Variants in CACUL1 observed in about 807,000 individuals in gnomAD.
CACUL1 encodes the protein CDK2-associated and cullin domain-containing protein 1.
In CACUL1, 13 loss-of-function variants were observed where a neutral mutation model predicts 45.2. The observed-to-expected ratio is 0.29, with a 90% CI of 0.19 to 0.46. CACUL1 has a LOEUF of 0.46. CACUL1 is among the 20% of genes least tolerant of loss of function. The pLI, the probability that CACUL1 is intolerant of heterozygous loss-of-function variation, is 1.00. For missense variants in CACUL1, 421 were observed against 471.4 expected (o/e 0.89, Z 0.99); for synonymous variants, 197 against 174.2 (o/e 1.13, Z -1.03).
At chr10:118,741,604 AT>A (rs1265588131) in intron 1 of CACUL1, among the ~76,000 whole-genome samples, 2 of 152,092 alleles carry the variant, frequency 1.3e-5, no homozygotes, top group East Asian at 3.8e-4. Flanking sequence ...AATTTTGTAG[AT>A]TCTAGTCCCT....
intron 3 of CACUL1, chr10:118,726,246 C>T (rs998931181): frequency 9.3e-7 from 1 of 1,071,442 alleles, no homozygotes; most frequent in Non-Finnish European, 1.3e-6. Flanking sequence ...AGGCCACACA[C>T]ATCACACTGA....
intron 1 of CACUL1, among the ~76,000 whole-genome samples, chr10:118,739,933 T>G (rs1289313499): frequency 1.3e-5 from 2 of 152,100 alleles, no homozygotes; most frequent in Admixed American, 1.3e-4. Context: ...TCACCTGAGG[T>G]CAGGAGTTAG....
At chr10:118,753,546 CAA>C (rs1845919823) in intron 1 of CACUL1, among the ~76,000 whole-genome samples, 1 of 152,238 alleles carries the variant, frequency 6.6e-6, no homozygotes, top group Non-Finnish European at 1.5e-5. Context: ...ACACACAAAC[CAA>C]AGTAAAAGCA....
At chr10:118,693,614 A>G in intron 6 of CACUL1, 1 of 412,686 alleles carries the variant, frequency 2.4e-6, no homozygotes, top group Non-Finnish European at 4.8e-6. Context: ...GCCAGTGCTT[A>G]TAAGCTGCCT....
intron 4 of CACUL1, among the ~76,000 whole-genome samples, chr10:118,703,121 TA>T (rs1193774650): frequency 3.3e-5 from 5 of 152,018 alleles, no homozygotes; most frequent in African/African-American, 1.2e-4. Context: ...TTTCTCTCTT[TA>T]AAAAAATATA....
At position 118,728,149 on chromosome 10, in the gene CACUL1, A is replaced by G. The variant is rs566886836; in HGVS notation, c.597+1146T>C. Among the ~76,000 whole-genome samples the G allele has an allele frequency of 1.9e-4, 29 of 151,966 alleles. No homozygotes were observed. In the East Asian group the frequency reaches 3.7e-3, roughly 19 times the overall value. On this transcript the variant is annotated intron_variant, in intron 3 of 8. Coordinates refer to ENST00000369151, the MANE Select transcript of CACUL1 (RefSeq NM_153810.5). The stretch of plus-strand genomic sequence containing the variant: ...TACTTAGTGCAACAACTGTTTGGGG[A>G]AAAAAAACACAAAAAAACTAAGCTA...
chr10:118,716,497 G>C (rs895245301), intron 3 of CACUL1, among the ~76,000 whole-genome samples: 9 of 151,936 alleles, frequency 5.9e-5, no homozygotes, highest in Admixed American at 2.0e-4. Context: ...TGGATACTTA[G>C]GCTATGCTTT....
Position 118,683,723 on chromosome 10 carries a change from A to T in CACUL1, c.*2405T>A. On this transcript the variant is annotated 3_prime_UTR_variant, in exon 9 of 9. Coordinates refer to ENST00000369151, the MANE Select transcript of CACUL1 (RefSeq NM_153810.5). ...AACAAAATATAAGAAAACAGAAGAA[A>T]ACAGTTTCTGGCAAACAGTCAATAT... is the stretch of plus-strand genomic sequence containing the variant. 1 of 151,960 alleles carries T rather than the reference A, an allele frequency of 6.6e-6. No homozygotes were observed. Among genetic ancestry groups the T allele is most frequent in the Middle Eastern group, 3.2e-3 (1 of 316 alleles). The allele number at this position is 151,960 out of a possible 1,614,324, so 9.4% of individuals were successfully genotyped here.
Position 118,754,745 on chromosome 10 carries a change from T to G in CACUL1, c.18A>C (p.Glu6Asp). The G allele has an allele frequency of 6.3e-7, 1 of 1,591,702 alleles. No individual in the cohort carries two copies. MEESM[E>D]EEEGGSYEAM... ...CCTCGTAGCTGCCCCCCTCCTCCTC[T>G]TCCATGCTTTCCTCCATCCTGCTGG... Residue 6 changes from glutamate to aspartate, a missense_variant, in exon 1 of 9, where the codon GAA becomes GAC. By Grantham distance (45) the Glu-to-Asp change is conservative (BLOSUM62 2). Around this residue, in one of 2 missense-constraint regions of CACUL1, gnomAD observed 213 missense variants for 173.1 expected, o/e 1.23. Transcript: ENST00000369151.
intron 4 of CACUL1, among the ~76,000 whole-genome samples, chr10:118,705,746 T>C (rs1845426904): frequency 6.6e-6 from 1 of 152,224 alleles, no homozygotes; most frequent in Non-Finnish European, 1.5e-5. Flanking sequence ...TTAAAAAAAT[T>C]TGTTTCTGTG....
Position 118,754,773 on chromosome 10 carries a change from C to G in CACUL1, c.-11G>C, listed in dbSNP as rs760585101. 1.3e-6 allele frequency: 2 copies of G among 1,543,418 alleles called. No individual in the cohort carries two copies. ...CATGCTTTCCTCCATCCTGCTGGCC[C>G]CCGGCACCCGCCCGCCTCACAGGCA... On this transcript the variant is annotated 5_prime_UTR_variant, in exon 1 of 9. Coordinates refer to ENST00000369151, the MANE Select transcript of CACUL1 (RefSeq NM_153810.5).
At chr10:118,728,928 A>C (rs1271878653) in intron 3 of CACUL1, among the ~76,000 whole-genome samples, 1 of 152,216 alleles carries the variant, frequency 6.6e-6, no homozygotes, top group African/African-American at 2.4e-5. Context: ...CCACTCTTCA[A>C]AGATGATAAT....
chr10:118,731,400 T>C (rs527764132), intron 1 of CACUL1, among the ~76,000 whole-genome samples: 58 of 152,340 alleles, frequency 3.8e-4, no homozygotes, highest in African/African-American at 1.3e-3. Context: ...TTTCCACACC[T>C]TAGTCATCCA....
rs1845443651 is a variant in CACUL1 at position 118,707,498 on chromosome 10, T to C, written c.687A>G (p.Ile229Met). 2.0e-6 allele frequency: 3 copies of C among 1,479,832 alleles called. No individual in the cohort carries two copies. The highest frequency in any genetic ancestry group is 1.4e-5 in the African/African-American group (1 of 72,252). 91.7% of individuals were successfully genotyped at this position (1,479,832 alleles called of 1,614,324 possible). ...GGAAGGAGCTCTTACTTACCATATA[T>C]ATGAAAAGAGGCACAATGCTCTGCA... ...GALQSIVPLF[I>M]YMNKFYIETK... The change falls in exon 4 of 9, where the codon ATA (isoleucine) becomes ATG (methionine). Residue 229 changes from isoleucine to methionine, a missense_variant. Ile to Met is a conservative substitution (Grantham distance 10). Transcript: ENST00000369151.
intron 1 of CACUL1, among the ~76,000 whole-genome samples, chr10:118,744,397 C>T (rs992801786): frequency 2.1e-5 from 3 of 140,230 alleles, no homozygotes; most frequent in Non-Finnish European, 4.9e-5. Context: ...AAAACAAAAA[C>T]AAAAACAAAC....
intron 3 of CACUL1, among the ~76,000 whole-genome samples, chr10:118,713,628 A>C (rs1845514210): frequency 6.6e-6 from 1 of 152,244 alleles, no homozygotes; most frequent in Admixed American, 6.5e-5. Context: ...TTTAAAATTC[A>C]AATGAGTTCA....
chr10:118,695,892 A>G (rs1845317245), intron 5 of CACUL1, among the ~76,000 whole-genome samples: 1 of 151,040 alleles, frequency 6.6e-6, no homozygotes, highest in African/African-American at 2.5e-5. Context: ...AATTCCATTG[A>G]TAAGTGAACA....
chr10:118,688,426 C>T (rs1291474326), intron 7 of CACUL1, among the ~76,000 whole-genome samples: 2 of 152,222 alleles, frequency 1.3e-5, no homozygotes, highest in Non-Finnish European at 2.9e-5. Flanking sequence ...CTTATAGACA[C>T]AACCTTCATT....
At chr10:118,708,729 C>G (rs1459468414) in intron 3 of CACUL1, among the ~76,000 whole-genome samples, 2 of 151,938 alleles carry the variant, frequency 1.3e-5, no homozygotes, top group Non-Finnish European at 2.9e-5. Flanking sequence ...CGCTCAGGTT[C>G]TCGCTCCTCC....
Sources: gnomAD v4.1 joint callset for allele counts (sites outside exome capture counted in the v4.1 genomes callset) on GRCh38, gnomAD v4.1.1 for gene constraint, gnomAD v4.1.1 regional missense constraint, MANE v1.5 for transcripts, NCBI Gene and HGNC (gene_info 2026-07-23, HGNC 2026-07-21) for gene names.